The following SLC27A6 variants were observed in gnomAD, a reference collection of about 807,000 sequenced individuals.
The protein encoded by SLC27A6 is solute carrier family 27 member 6.
SLC27A6 carries 74 observed loss-of-function variants against 63.9 expected under a neutral mutation model. The ratio of observed to expected loss-of-function variants is 1.16; its 90% CI spans 0.96 to 1.40. SLC27A6 has a LOEUF of 1.40. Ranked by LOEUF, SLC27A6 falls within the 40% of genes most tolerant of loss-of-function variation. SLC27A6 has a pLI of 0.00. For missense variants in SLC27A6, 794 were observed against 732.9 expected, an observed-to-expected ratio of 1.08 and a Z score of -0.96; for synonymous variants, 287 against 260.8, an observed-to-expected ratio of 1.10 and a Z score of -0.97.
At chr5:129,028,313 GC>G (rs766136670) in intron 7 of SLC27A6, 31 bp from the exon 8 acceptor site, 2 of 1,400,594 alleles carry the variant, frequency 1.4e-6, no homozygotes, top group African/African-American at 2.8e-5. Flanking sequence ...AAATACAGGT[GC>G]ACTAACTGGA....
At chr5:129,007,104 A>T (rs1008460659) in intron 4 of SLC27A6, among the ~76,000 whole-genome samples, 20 of 152,192 alleles carry the variant, frequency 1.3e-4, no homozygotes, top group African/African-American at 4.8e-4. Flanking sequence ...TTTAAATCAC[A>T]TATTAATTTG....
At chr5:129,025,907 G>A (rs1344283241) in intron 6 of SLC27A6, among the ~76,000 whole-genome samples, 1 of 152,126 alleles carries the variant, frequency 6.6e-6, no homozygotes, top group Non-Finnish European at 1.5e-5. Flanking sequence ...AGGCTGAGGT[G>A]GGAGGATGGC....
intron 4 of SLC27A6, among the ~76,000 whole-genome samples, chr5:128,997,735 A>G (rs1295075293): frequency 6.6e-6 from 1 of 152,190 alleles, no homozygotes; most frequent in Non-Finnish European, 1.5e-5. Context: ...AAAATTTCCC[A>G]AGAAATTTAG....
Position 129,033,075 on chromosome 5 carries a change from G to T in SLC27A6, c.1684-31G>T. 6 of 1,500,902 alleles carry T rather than the reference G, an allele frequency of 4.0e-6. No individual in the cohort carries two copies. In the South Asian group the frequency reaches 4.9e-5, roughly 12 times the overall value. 93.0% of individuals were successfully genotyped at this position (1,500,902 alleles called of 1,614,324 possible). A position where few individuals can be genotyped will look rare whatever the true frequency, so the allele number is the denominator to read the frequency against. On this transcript the variant is annotated intron_variant, in intron 9 of 9. Transcript: ENST00000262462. ...TATGTATATATTATAGTTATTAAAT[G>T]ATTCTACTCATCCTGGTAATTGCTT...
intron 4 of SLC27A6, among the ~76,000 whole-genome samples, chr5:129,000,710 T>A (rs1199512546): frequency 6.6e-6 from 1 of 152,178 alleles, no homozygotes; most frequent in Non-Finnish European, 1.5e-5. Flanking sequence ...GGTGACAGTT[T>A]TTCTGAGTTT....
In SLC27A6 at chr5:129,033,138, A is replaced by G. The variant is rs1188561120; in HGVS notation, c.1716A>G (p.Leu572=). ...EKMEATGTFK[L]LKHQLVEDGF... is the part of the protein sequence containing the mutation. Reference sequence around the variant, plus strand: ...TGGAAGCAACAGGAACATTCAAACTATTGAAGCATCAGTTGGTGGAAGATG... The same window carrying G: ...TGGAAGCAACAGGAACATTCAAACTGTTGAAGCATCAGTTGGTGGAAGATG... Residue 572 remains leucine (L), a synonymous_variant, in exon 10 of 10, where the codon CTA becomes CTG. Coordinates refer to ENST00000262462, the MANE Select transcript of SLC27A6 (RefSeq NM_001017372.3). 2 of 1,608,444 alleles carry G rather than the reference A, an allele frequency of 1.2e-6. No homozygotes were observed. The highest frequency in any genetic ancestry group is 1.7e-6 in the Non-Finnish European group (2 of 1,177,060).
At chr5:128,993,321 C>A (rs557374578) in intron 4 of SLC27A6, among the ~76,000 whole-genome samples, 1 of 152,182 alleles carries the variant, frequency 6.6e-6, no homozygotes, top group African/African-American at 2.4e-5. Flanking sequence ...CAAGGCCCAC[C>A]CTTTCAAATA....
intron 4 of SLC27A6, among the ~76,000 whole-genome samples, chr5:128,990,806 G>A (rs1750953073): frequency 6.6e-6 from 1 of 152,208 alleles, no homozygotes; most frequent in Non-Finnish European, 1.5e-5. Flanking sequence ...GGACGAACCT[G>A]GGCACTTAGC....
rs1009325547 is a variant in SLC27A6 at position 129,030,163 on chromosome 5, C to T, written c.1683+456C>T. On this transcript the variant is annotated intron_variant, in intron 9 of 9. Transcript: ENST00000262462. The stretch of plus-strand genomic sequence containing the variant: ...CTGTTCTGTCCAAATTCCCCCTCAC[C>T]TGGACCTTCCCCATGTGAGAAATTC... 2.0e-5 allele frequency among the ~76,000 whole-genome samples: 3 copies of T among 151,960 alleles called. No individual in the cohort carries two copies. The East Asian group carries it at 5.8e-4, about 29-fold the overall frequency.
At chr5:128,968,391 G>T (rs144335530) in intron 1 of SLC27A6, among the ~76,000 whole-genome samples, 37,010 of 152,006 alleles carry the variant, frequency 0.24, 5,194 homozygotes, top group Non-Finnish European at 0.31. Flanking sequence ...GTGTCAAAGT[G>T]TTCCTATTTC....
At chr5:129,027,367 A>G in intron 7 of SLC27A6, 36 bp downstream of exon 7, 4 of 1,487,246 alleles carry the variant, frequency 2.7e-6, no homozygotes, top group South Asian at 2.3e-5. Context: ...CTTGTTCTGT[A>G]ATTGTGAACC....
intron 4 of SLC27A6, among the ~76,000 whole-genome samples, chr5:129,002,093 A>C (rs1751355520): frequency 6.6e-6 from 1 of 152,216 alleles, no homozygotes; most frequent in Admixed American, 6.5e-5. Context: ...CTAGAGGGAA[A>C]TATCTATTGA....
At chr5:129,006,089 T>TTTTTTTTG (rs1751520650) in intron 4 of SLC27A6, among the ~76,000 whole-genome samples, 1 of 98,920 alleles carries the variant, frequency 1.0e-5, no homozygotes, top group Non-Finnish European at 2.2e-5. Flanking sequence ...TTTTTTTTTT[T>TTTTTTTTG]TTTTTTTGAG....
intron 4 of SLC27A6, among the ~76,000 whole-genome samples, chr5:128,997,863 T>C (rs941945727): frequency 1.3e-5 from 2 of 152,192 alleles, no homozygotes; most frequent in African/African-American, 2.4e-5. Flanking sequence ...ATAATTCTTC[T>C]CTTTATATAA....
intron 1 of SLC27A6, among the ~76,000 whole-genome samples, chr5:128,971,276 G>T (rs36181441): frequency 0.24 from 36,475 of 151,812 alleles, 4,919 homozygotes; most frequent in Middle Eastern, 0.33. Context: ...TGTTAGGTCT[G>T]CTTGGTGCAG....
rs1750742019 is a variant in SLC27A6 at position 128,985,113 on chromosome 5, C to T, written c.482-20C>T. The T allele has an allele frequency of 1.3e-6, 2 of 1,595,378 alleles. No homozygotes were observed. The highest frequency in any genetic ancestry group is 1.3e-5 in the African/African-American group (1 of 74,424). On this transcript the variant is annotated intron_variant, in intron 1 of 9. Coordinates refer to ENST00000262462, the MANE Select transcript of SLC27A6 (RefSeq NM_001017372.3). ...GAGATTTAAGGTTTGCTTAACTCTT[C>T]CCAACCCTTTGGCTTTTAGATTTGC...
intron 4 of SLC27A6, among the ~76,000 whole-genome samples, chr5:128,995,660 T>C (rs1751133461): frequency 6.6e-6 from 1 of 152,078 alleles, no homozygotes; most frequent in Admixed American, 6.6e-5. Context: ...GTTGCCGTCA[T>C]GACAGAAGAA....
intron 4 of SLC27A6, 50 bp downstream of exon 4, chr5:128,990,514 G>A (rs1448320287): frequency 6.5e-7 from 1 of 1,535,912 alleles, no homozygotes; most frequent in African/African-American, 1.4e-5. Context: ...AATAAGTATT[G>A]AGATAGAAAA....
At chr5:129,013,139 A>C (rs939671685) in intron 4 of SLC27A6, among the ~76,000 whole-genome samples, 1 of 151,952 alleles carries the variant, frequency 6.6e-6, no homozygotes, top group Non-Finnish European at 1.5e-5. Flanking sequence ...AATTACCTGG[A>C]AGGATACAAG....
Sources: allele counts gnomAD v4.1 joint callset (sites outside exome capture counted in the v4.1 genomes callset), GRCh38; gene constraint gnomAD v4.1.1; transcripts MANE v1.5; gene names NCBI Gene and HGNC (gene_info 2026-07-23, HGNC 2026-07-21).